The following GPHN variants were observed in gnomAD, a reference collection of about 807,000 sequenced individuals.
GPHN encodes the protein gephyrin.
A neutral mutation model predicts 95.5 loss-of-function variants in GPHN; 17 were observed. The observed-to-expected ratio is 0.18, with a 90% confidence interval of 0.12 to 0.27. The LOEUF (loss-of-function observed/expected upper bound fraction) is 0.27. GPHN is among the 10% of genes least tolerant of loss of function. The probability of loss-of-function intolerance (pLI) is 1.00; values close to 1 mark genes in which losing one functional copy is unlikely to be tolerated. For missense variants in GPHN, 660 were observed against 978.1 expected, an observed-to-expected ratio of 0.67 and a Z score of 4.34; for synonymous variants, 320 against 322.5, an observed-to-expected ratio of 0.99 and a Z score of 0.08.
At chr14:67,362,063 C>T in the GPHN span, among the ~76,000 whole-genome samples, 3 of 148,256 alleles carry the variant, frequency 2.0e-5, no homozygotes, top group Non-Finnish European at 3.0e-5. Flanking sequence ...TCTCTGTTGC[C>T]CAGGCTGGAG....
intron 8 of GPHN, among the ~76,000 whole-genome samples, chr14:66,929,246 G>C (rs1481762433): frequency 6.6e-6 from 1 of 151,846 alleles, no homozygotes; most frequent in Admixed American, 6.6e-5. Flanking sequence ...TAGAGAGGGG[G>C]TTTCACCATG....
intron 2 of GPHN, among the ~76,000 whole-genome samples, chr14:66,771,614 G>A (rs1294217136): frequency 6.6e-6 from 1 of 152,012 alleles, no homozygotes; most frequent in African/African-American, 2.4e-5. Flanking sequence ...TAGGGTACAT[G>A]TGCACATTGT....
intron 1 of GPHN, among the ~76,000 whole-genome samples, chr14:66,625,349 A>C (rs1566723158): frequency 6.6e-6 from 1 of 152,094 alleles, no homozygotes; most frequent in Non-Finnish European, 1.5e-5. Context: ...CTAGGATTAC[A>C]CTCATGGGCC....
the GPHN span, among the ~76,000 whole-genome samples, chr14:67,405,360 A>G: frequency 6.6e-6 from 1 of 152,162 alleles, no homozygotes; most frequent in Non-Finnish European, 1.5e-5. Context: ...ATACACAAAA[A>G]TCCTGATGAG....
At chr14:66,550,046 T>C (rs2059756867) in intron 1 of GPHN, among the ~76,000 whole-genome samples, 1 of 152,248 alleles carries the variant, frequency 6.6e-6, no homozygotes, top group African/African-American at 2.4e-5. Flanking sequence ...ATTAATGTTT[T>C]CATGCCTGCT....
intron 11 of GPHN, among the ~76,000 whole-genome samples, chr14:67,078,678 A>ACAACC (rs1269940835): frequency 6.6e-6 from 1 of 152,150 alleles, no homozygotes; most frequent in African/African-American, 2.4e-5. Flanking sequence ...ACATTGAATG[A>ACAACC]AGTCTAATAC....
chr14:66,906,072 A>G (rs2065366855), intron 5 of GPHN, among the ~76,000 whole-genome samples: 1 of 151,432 alleles, frequency 6.6e-6, no homozygotes, highest in African/African-American at 2.4e-5. Context: ...GCTCTAGTAA[A>G]TGATCAGAAT....
the GPHN span, chr14:67,387,608 T>C: frequency 1.3e-6 from 1 of 787,628 alleles, no homozygotes; most frequent in Admixed American, 3.3e-5. Flanking sequence ...TCCTATCAGA[T>C]GAGGTCCCCT....
At chr14:66,825,540 A>G (rs1467587577) in intron 4 of GPHN, among the ~76,000 whole-genome samples, 4 of 152,174 alleles carry the variant, frequency 2.6e-5, no homozygotes, top group Non-Finnish European at 5.9e-5. Flanking sequence ...TTTCTGATTT[A>G]GTAAAGCTGC....
the GPHN span, among the ~76,000 whole-genome samples, chr14:67,342,557 C>CTTT: frequency 2.5e-3 from 345 of 136,958 alleles, 5 homozygotes; most frequent in Middle Eastern, 7.4e-3. Flanking sequence ...ACGAATTATC[C>CTTT]TTTTTTTTTT....
Position 66,745,177 on chromosome 14 carries a change from G to T in GPHN, c.144-31287G>T, listed in dbSNP as rs191879407. ...TCTTATTTTTACAACTTTTTATTTT[G>T]AAAACTTTCAAACTTTAAAAAAATG... On this transcript the variant is annotated intron_variant, in intron 2 of 22. Coordinates refer to ENST00000478722, the MANE Select transcript of GPHN (RefSeq NM_020806.5). Among the ~76,000 whole-genome samples, 38 of 151,570 alleles carry T rather than the reference G, an allele frequency of 2.5e-4. No homozygotes were observed. In the East Asian group the frequency reaches 7.2e-3, roughly 29 times the overall value.
At chr14:67,088,816 C>A (rs2077012475) in intron 11 of GPHN, among the ~76,000 whole-genome samples, 167 bp from the exon 12 acceptor site, 1 of 152,170 alleles carries the variant, frequency 6.6e-6, no homozygotes, top group African/African-American at 2.4e-5. Flanking sequence ...TTTCAGGCAC[C>A]AGAATGCATC....
At chr14:67,665,438 A>AT in the GPHN span, among the ~76,000 whole-genome samples, 44 of 147,870 alleles carry the variant, frequency 3.0e-4, no homozygotes, top group Middle Eastern at 3.5e-3. Flanking sequence ...CACACAGCTA[A>AT]TTTTTTTTTT....
intron 3 of GPHN, among the ~76,000 whole-genome samples, chr14:66,785,610 T>G (rs2059744274): frequency 6.7e-6 from 1 of 149,328 alleles, no homozygotes; most frequent in African/African-American, 2.5e-5. Flanking sequence ...CATGAAACAT[T>G]TACCTTGGAA....
intron 9 of GPHN, among the ~76,000 whole-genome samples, chr14:67,022,611 T>A (rs1302427561): frequency 1.1e-4 from 16 of 143,298 alleles, no homozygotes; most frequent in African/African-American, 4.2e-4. Context: ...GTGTGTATTT[T>A]TCTTGTATGT....
chr14:67,629,921 T>C, the GPHN span, among the ~76,000 whole-genome samples: 95 of 152,340 alleles, frequency 6.2e-4, no homozygotes, highest in African/African-American at 2.3e-3. Context: ...AAAGTGATCA[T>C]TTGTAAGACA....
intron 4 of GPHN, among the ~76,000 whole-genome samples, chr14:66,863,748 G>A (rs2153522728): frequency 6.6e-6 from 1 of 152,164 alleles, no homozygotes; most frequent in South Asian, 2.1e-4. Context: ...AATGGTGCTG[G>A]GAAAACTGAA....
chr14:67,170,603 T>G (rs1277482922), intron 21 of GPHN, among the ~76,000 whole-genome samples: 1 of 152,234 alleles, frequency 6.6e-6, no homozygotes. Flanking sequence ...GAGATGGTAC[T>G]TTGTAATCAG....
At chr14:66,713,159 T>C (rs1323391545) in intron 2 of GPHN, among the ~76,000 whole-genome samples, 7 of 152,200 alleles carry the variant, frequency 4.6e-5, no homozygotes. Context: ...TTACCAGCTA[T>C]GTATCTTTGC....
Sources: gnomAD v4.1 joint callset for allele counts (sites outside exome capture counted in the v4.1 genomes callset) on GRCh38, gnomAD v4.1.1 for gene constraint, MANE v1.5 for transcripts, NCBI Gene and HGNC (gene_info 2026-07-23, HGNC 2026-07-21) for gene names.